Variants in NT5C2 observed in about 807,000 individuals in gnomAD.
The protein encoded by NT5C2 is cytosolic purine 5'-nucleotidase.
NT5C2 carries 58 observed loss-of-function variants against 76.1 expected under a neutral mutation model. That is an observed-to-expected ratio of 0.76 (90% confidence interval 0.62 to 0.95). The LOEUF (loss-of-function observed/expected upper bound fraction) is 0.95, where lower values mean the gene tolerates loss of function less well. Among genes scored for constraint, NT5C2 ranks in the 40% least tolerant of loss-of-function variants. The pLI, the probability that NT5C2 is intolerant of heterozygous loss-of-function variation, is 0.00. For synonymous variants in NT5C2, 229 were observed against 237.4 expected (o/e 0.96, Z 0.32); for missense variants, 478 against 690.3 (o/e 0.69, Z 3.45).
chr10:103,180,500 G>A (rs1231401658), intron 2 of NT5C2, among the ~76,000 whole-genome samples: 3 of 152,236 alleles, frequency 2.0e-5, no homozygotes, highest in African/African-American at 7.2e-5. Context: ...GGGAGGCCAA[G>A]ATGGGTGGAT....
At chr10:103,127,112 A>G (rs552522498) in intron 4 of NT5C2, among the ~76,000 whole-genome samples, 18 of 152,214 alleles carry the variant, frequency 1.2e-4, no homozygotes, top group Non-Finnish European at 1.6e-4. Context: ...CAGTGCCTTT[A>G]GCTGCTGTAT....
chr10:103,182,003 C>CT (rs1181332289), intron 1 of NT5C2, among the ~76,000 whole-genome samples: 1 of 147,734 alleles, frequency 6.8e-6, no homozygotes, highest in Non-Finnish European at 1.5e-5. Flanking sequence ...GAGCGAGACT[C>CT]TATCTCAAAA....
chr10:103,183,291 A>AAAATATATATATATATATATATC, intron 1 of NT5C2, among the ~76,000 whole-genome samples: 1 of 128,132 alleles, frequency 7.8e-6, no homozygotes, highest in Admixed American at 8.6e-5. Context: ...ATATATATAT[A>AAAATATATATATATATATATATC]TATCACACAC....
At chr10:103,153,567 G>T (rs560458857) in intron 3 of NT5C2, 5 of 985,158 alleles carry the variant, frequency 5.1e-6, no homozygotes, top group Admixed American at 1.2e-4. Flanking sequence ...ACTGTTTAAG[G>T]CTGGCCAGTT....
intron 2 of NT5C2, among the ~76,000 whole-genome samples, 156 bp from the exon 3 acceptor site, chr10:103,175,138 C>G (rs187974744): frequency 1.4e-4 from 21 of 152,188 alleles, no homozygotes; most frequent in Admixed American, 1.1e-3. Context: ...GAAAATTATA[C>G]TGACACTTCT....
chr10:103,125,356 C>T lies in NT5C2; in HGVS notation c.175+14050G>A, dbSNP rs184198281. On this transcript the variant is annotated intron_variant, in intron 4 of 18. Coordinates refer to ENST00000404739, the MANE Select transcript of NT5C2 (RefSeq NM_001351169.2). The stretch of plus-strand genomic sequence containing the variant: ...AGCCTAGTAAGAACCTGGCGTTTGC[C>T]TGTCTTTTCGACATTGCTGATGCTC... 1.5e-5 allele frequency: 5 copies of T among 344,386 alleles called. 1 individual carries two copies. The East Asian group carries it at 3.9e-4, about 27-fold the overall frequency. 21.3% of individuals were successfully genotyped at this position (344,386 alleles called of 1,614,324 possible).
intron 3 of NT5C2, among the ~76,000 whole-genome samples, chr10:103,158,537 C>T (rs1233535810): frequency 6.6e-6 from 1 of 152,006 alleles, no homozygotes; most frequent in Non-Finnish European, 1.5e-5. Context: ...AAAGCAGAGG[C>T]CAGGCACGGT....
rs918238311 is a variant in NT5C2 at position 103,089,400 on chromosome 10, A to G, written c.*272T>C. Reference sequence around the variant, plus strand: ...GATGATTTTAAAAGTGTCACAAGCCACAGTGGAGCCATATACATGCAGTTC... The same window carrying G: ...GATGATTTTAAAAGTGTCACAAGCCGCAGTGGAGCCATATACATGCAGTTC... On this transcript the variant is annotated 3_prime_UTR_variant, in exon 19 of 19. Transcript: ENST00000404739. The G allele has an allele frequency of 3.0e-6, 1 of 337,508 alleles. No individual in the cohort carries two copies. The highest frequency in any genetic ancestry group is 5.3e-6 in the Non-Finnish European group (1 of 188,906). The allele number at this position is 337,508 out of a possible 1,614,324, so 20.9% of individuals were successfully genotyped here.
chr10:103,094,247 T>TAA lies in NT5C2; in HGVS notation c.921+99_921+100dup, dbSNP rs60341061. 4,411 of 669,682 alleles carry TAA rather than the reference T, an allele frequency of 6.6e-3. 4 individuals are homozygous for TAA. Among genetic ancestry groups the TAA allele is most frequent in the Non-Finnish European group, 8.6e-3 (3,592 of 417,486 alleles). The allele number at this position is 669,682 out of a possible 1,614,324, so 41.5% of individuals were successfully genotyped here. On this transcript the variant is annotated intron_variant, in intron 13 of 18. Coordinates refer to ENST00000404739, the MANE Select transcript of NT5C2 (RefSeq NM_001351169.2). The stretch of plus-strand genomic sequence containing the variant: ...ATTTCAAAAGAGAGATACGGCTAAT[T>TAA]AAAAAAAAAAAATTCCTGTTTCCTT...
chr10:103,094,123 C>T lies in NT5C2; in HGVS notation c.922-85G>A. 3 of 1,051,286 alleles carry T rather than the reference C, an allele frequency of 2.9e-6. No homozygotes were observed. The South Asian group carries it at 4.0e-5, about 14-fold the overall frequency. 65.1% of individuals were successfully genotyped at this position (1,051,286 alleles called of 1,614,324 possible). A position where few individuals can be genotyped will look rare whatever the true frequency, so the allele number is the denominator to read the frequency against. On this transcript the variant is annotated intron_variant, in intron 13 of 18. Coordinates refer to ENST00000404739, the MANE Select transcript of NT5C2 (RefSeq NM_001351169.2). ...CCCACAACCCTCCCATCCCACCCCC[C>T]ACCACCAGTGCTACTTGGCCAGACA...
rs546827036 is a variant in NT5C2 at position 103,174,690 on chromosome 10, T to C, written c.101+168A>G. Among the ~76,000 whole-genome samples the C allele has an allele frequency of 2.0e-5, 3 of 152,378 alleles. No homozygotes were observed. The South Asian group carries it at 6.2e-4, about 32-fold the overall frequency. ...TTACTAGTAGATACACAAAGCAGTA[T>C]GGTGTACTAGTAGTTAAAAGTCTCG... On this transcript the variant is annotated intron_variant, in intron 3 of 18. Transcript: ENST00000404739.
chr10:103,154,166 G>A (rs796266213), intron 3 of NT5C2, among the ~76,000 whole-genome samples: 21 of 152,266 alleles, frequency 1.4e-4, no homozygotes, highest in African/African-American at 4.6e-4. Flanking sequence ...AAATAAGTCT[G>A]CTAAAGTCTA....
intron 6 of NT5C2, among the ~76,000 whole-genome samples, chr10:103,103,128 A>G (rs1304442478): frequency 6.6e-6 from 1 of 152,256 alleles, no homozygotes; most frequent in Non-Finnish European, 1.5e-5. Flanking sequence ...CAGTGAATAC[A>G]TGGAGATTAA....
intron 3 of NT5C2, among the ~76,000 whole-genome samples, chr10:103,159,251 GCACACACACACACACACACACA>G (rs57117670): frequency 7.5e-6 from 1 of 133,202 alleles, no homozygotes; most frequent in African/African-American, 2.8e-5. Context: ...TCCAAAACAT[GCACACACACACACACACACACA>G]CACACACACA....
At chr10:103,153,320 T>G in intron 3 of NT5C2, 1 of 1,281,904 alleles carries the variant, frequency 7.8e-7, no homozygotes, top group Non-Finnish European at 1.0e-6. Context: ...AAGATCTACT[T>G]CCTCTGGATG....
chr10:103,118,288 A>T (rs752965556), intron 4 of NT5C2, among the ~76,000 whole-genome samples: 1 of 152,172 alleles, frequency 6.6e-6, no homozygotes, highest in Non-Finnish European at 1.5e-5. Flanking sequence ...AGGCCTTGTC[A>T]AGTTCAGTTT....
intron 3 of NT5C2, among the ~76,000 whole-genome samples, chr10:103,156,797 C>T (rs1029264719): frequency 1.3e-5 from 2 of 151,756 alleles, no homozygotes; most frequent in Non-Finnish European, 2.9e-5. Flanking sequence ...GTGGCTCACG[C>T]CTGTAATCCC....
intron 2 of NT5C2, among the ~76,000 whole-genome samples, chr10:103,177,767 C>T (rs1591806242): frequency 6.6e-6 from 1 of 152,212 alleles, no homozygotes; most frequent in East Asian, 1.9e-4. Context: ...TAAATCACCT[C>T]TGTGGCTTTT....
rs1394825636 is a variant in NT5C2 at position 103,128,960 on chromosome 10, G to T, written c.175+10446C>A. On this transcript the variant is annotated intron_variant, in intron 4 of 18. Coordinates refer to ENST00000404739, the MANE Select transcript of NT5C2 (RefSeq NM_001351169.2). ...AGCATCTCCGCCCGGCAGCCACCCC[G>T]TCCGGGAGGGAGGTAGGGGGGGGTC... Among the ~76,000 whole-genome samples, 10 of 107,548 alleles carry T rather than the reference G, an allele frequency of 9.3e-5. 3 individuals are homozygous for T. The highest frequency in any genetic ancestry group is 1.8e-4 in the Non-Finnish European group (9 of 49,068). The allele number at this position is 107,548 out of a possible 152,430, so 70.6% of individuals were successfully genotyped here.
Sources: gnomAD v4.1 joint callset for allele counts (sites outside exome capture counted in the v4.1 genomes callset) on GRCh38, gnomAD v4.1.1 for gene constraint, MANE v1.5 for transcripts, NCBI Gene and HGNC (gene_info 2026-07-23, HGNC 2026-07-21) for gene names.